The following CYTH2 variants were observed in gnomAD, a reference collection of about 807,000 sequenced individuals.
CYTH2 encodes the protein cytohesin-2.
In CYTH2, 24 loss-of-function variants were observed where a neutral mutation model predicts 55.4. The observed-to-expected ratio is 0.43, with a 90% CI of 0.31 to 0.61. The LOEUF is 0.61. CYTH2 is among the 20% of genes least tolerant of loss of function. The pLI is 0.08. For missense variants in CYTH2, 378 were observed against 533.5 expected, an observed-to-expected ratio of 0.71 and a Z score of 2.87; for synonymous variants, 221 against 209.6, an observed-to-expected ratio of 1.05 and a Z score of -0.47.
rs367740778 is a variant in CYTH2 at position 48,475,243 on chromosome 19, A to G, written c.808+294A>G. Reference sequence around the variant, plus strand: ...GAGGAGGCAGTGAGAGGCAGCTGACATTGTCCTTTCGTGGGAGAAGAGTTC... The same window carrying G: ...GAGGAGGCAGTGAGAGGCAGCTGACGTTGTCCTTTCGTGGGAGAAGAGTTC... On this transcript the variant is annotated intron_variant, in intron 8 of 11. Transcript: ENST00000452733. 4.2e-5 allele frequency: 16 copies of G among 379,784 alleles called. 1 individual carries two copies. In the Admixed American group the frequency reaches 4.5e-4, roughly 11 times the overall value. 23.5% of individuals were successfully genotyped at this position (379,784 alleles called of 1,614,324 possible).
At chr19:48,469,630 C>T (rs1181874816) in intron 1 of CYTH2, 104 bp downstream of exon 1, 3 of 1,339,714 alleles carry the variant, frequency 2.2e-6, no homozygotes, top group African/African-American at 1.5e-5. Flanking sequence ...CAGAAGCGTT[C>T]GGCTCAGTCG....
At chr19:48,472,464 C>T (rs773686916) in intron 4 of CYTH2, 21 bp downstream of exon 4, 1 of 1,604,766 alleles carries the variant, frequency 6.2e-7, no homozygotes, top group African/African-American at 1.3e-5. Flanking sequence ...CACTCAGCTC[C>T]TGTGGGGCCC....
chr19:48,472,479 C>T (rs1971821773), intron 4 of CYTH2, 36 bp downstream of exon 4: 11 of 1,537,504 alleles, frequency 7.2e-6, no homozygotes, highest in Non-Finnish European at 9.8e-6. Context: ...GGGCCCCTCC[C>T]TCCCACCCCC....
Position 48,480,640 on chromosome 19 carries a change from C to G in CYTH2, c.*1430C>G, listed in dbSNP as rs576842719. ...TTGTCTTCTTTTTCTTAGTCAGATC[C>G]CGTACTTTTGTGGAGGGTAGAGGAG... On this transcript the variant is annotated 3_prime_UTR_variant, in exon 12 of 12. Transcript: ENST00000452733. 6.6e-6 allele frequency: 1 copy of G among 152,296 alleles called. No homozygotes were observed. Among genetic ancestry groups the G allele is most frequent in the South Asian group, 2.1e-4 (1 of 4,828 alleles). 9.4% of individuals were successfully genotyped at this position (152,296 alleles called of 1,614,324 possible). A position where few individuals can be genotyped will look rare whatever the true frequency, so the allele number is the denominator to read the frequency against.
rs1424418014 is a variant in CYTH2 at position 48,473,837 on chromosome 19, CAG to C, written c.435-67_435-66del. On this transcript the variant is annotated intron_variant, in intron 5 of 11. Coordinates refer to ENST00000452733, the MANE Select transcript of CYTH2 (RefSeq NM_004228.7). ...ATTCCTCGTGGACCAGTTCCTAACA[CAG>C]GGACTGAGAGTGGGGACAGGCTCCC... 3.1e-6 allele frequency: 4 copies of C among 1,275,222 alleles called. No individual in the cohort carries two copies. The Admixed American group carries it at 6.9e-5, about 22-fold the overall frequency. 79.0% of individuals were successfully genotyped at this position (1,275,222 alleles called of 1,614,324 possible).
At chr19:48,471,166 T>TTGTGTGTGTGTGTG (rs372484993) in intron 3 of CYTH2, among the ~76,000 whole-genome samples, 22 of 150,536 alleles carry the variant, frequency 1.5e-4, no homozygotes, top group African/African-American at 4.7e-4. Flanking sequence ...CACCTACTCT[T>TTGTGTGTGTGTGTG]TGTGTGTGTG....
At chr19:48,476,088 C>CT in intron 8 of CYTH2, 1 of 502,250 alleles carries the variant, frequency 2.0e-6, no homozygotes, top group Non-Finnish European at 4.0e-6. Flanking sequence ...GAACTGTGCT[C>CT]TTAAACCAGG....
At chr19:48,472,921 T>TTATA (rs1330929880) in intron 4 of CYTH2, 1 of 318,480 alleles carries the variant, frequency 3.1e-6, no homozygotes, top group African/African-American at 2.1e-5. Flanking sequence ...AATCAGGGAT[T>TTATA]TATAGAGATC....
chr19:48,479,985 T>C lies in CYTH2; in HGVS notation c.*775T>C, dbSNP rs566651465. On this transcript the variant is annotated 3_prime_UTR_variant, in exon 12 of 12. Transcript: ENST00000452733. The stretch of plus-strand genomic sequence containing the variant: ...TCTGTTCTCAAAGGATCAGCCTCCT[T>C]TGGAGGACATTTTGTGTCAAGGATA... 2.0e-5 allele frequency: 3 copies of C among 152,398 alleles called. No individual in the cohort carries two copies. The East Asian group carries it at 5.8e-4, about 29-fold the overall frequency. 9.4% of individuals were successfully genotyped at this position (152,398 alleles called of 1,614,324 possible). A position where few individuals can be genotyped will look rare whatever the true frequency, so the allele number is the denominator to read the frequency against.
chr19:48,479,001 C>T, intron 11 of CYTH2, 122 bp from the exon 12 acceptor site: 1 of 983,972 alleles, frequency 1.0e-6, no homozygotes, highest in Non-Finnish European at 1.6e-6. Context: ...GGCCGGGGGC[C>T]TGGACTCCTG....
chr19:48,474,411 C>A lies in CYTH2; in HGVS notation c.696+81C>A. 1.4e-6 allele frequency: 2 copies of A among 1,438,762 alleles called. No homozygotes were observed. The highest frequency in any genetic ancestry group is 9.3e-7 in the Non-Finnish European group (1 of 1,077,398). 89.1% of individuals were successfully genotyped at this position (1,438,762 alleles called of 1,614,324 possible). On this transcript the variant is annotated intron_variant, in intron 7 of 11. Coordinates refer to ENST00000452733, the MANE Select transcript of CYTH2 (RefSeq NM_004228.7). This position sits in a 1 kb window ranked among gnomAD's most constrained non-coding sequence, Gnocchi z 4.9. ...CCGCCCCACCTGTGGTCTCCTAGTG[C>A]CCAAGCTGTCTGCCCTCACCCCCAA...
intron 3 of CYTH2, among the ~76,000 whole-genome samples, chr19:48,471,398 C>G (rs547640146): frequency 1.3e-5 from 2 of 152,096 alleles, no homozygotes; most frequent in African/African-American, 4.8e-5. Flanking sequence ...GTGATCCGCC[C>G]GCCTCAGCCT....
intron 3 of CYTH2, among the ~76,000 whole-genome samples, chr19:48,471,252 T>C (rs1971786603): frequency 6.6e-6 from 1 of 151,866 alleles, no homozygotes; most frequent in African/African-American, 2.4e-5. Context: ...CTCCGCCTCC[T>C]GCGATTCTCC....
Position 48,480,899 on chromosome 19 carries a change from A to T in CYTH2, c.*1689A>T, listed in dbSNP as rs1439072125. On this transcript the variant is annotated 3_prime_UTR_variant, in exon 12 of 12. Transcript: ENST00000452733. The stretch of plus-strand genomic sequence containing the variant: ...GGCCGGCTCCGTGGCAGGCAGAGGC[A>T]GGAAGAGGCGCGGAGCCCGCTGGTG... 3 of 152,176 alleles carry T rather than the reference A, an allele frequency of 2.0e-5. No individual in the cohort carries two copies. Among genetic ancestry groups the T allele is most frequent in the Admixed American group, 6.5e-5 (1 of 15,286 alleles). 9.4% of individuals were successfully genotyped at this position (152,176 alleles called of 1,614,324 possible).
In CYTH2 at chr19:48,478,370, C is replaced by T. The variant is rs749094176; in HGVS notation, c.957+24C>T. The T allele has an allele frequency of 4.6e-5, 75 of 1,613,728 alleles. No homozygotes were observed. The South Asian group carries it at 7.8e-4, about 17-fold the overall frequency. ...CGGTAAGACCCTCTCTGTACACCTT[C>T]CTGCCAGGGCGGGGCCTCCTCTGCC... is the stretch of plus-strand genomic sequence containing the variant. On this transcript the variant is annotated intron_variant, in intron 10 of 11. Transcript: ENST00000452733.
rs766175406 is a variant in CYTH2, at chr19:48,479,154, A to T, written c.1144A>T (p.Met382Leu). The T allele has an allele frequency of 1.2e-6, 2 of 1,614,048 alleles. No homozygotes were observed. The highest frequency in any genetic ancestry group is 1.7e-6 in the Non-Finnish European group (2 of 1,179,980). ...TGTGAGTGTGGACCCCTTCTATGAG[A>T]TGCTGGCAGCGAGAAAGAAGCGGAT... Reference protein sequence around the residue: ...AAVSVDPFYEMLAARKKRISV... With the variant: ...AAVSVDPFYELLAARKKRISV... The change falls in exon 12 of 12, where the codon ATG (methionine) becomes TTG (leucine). Residue 382 changes from methionine to leucine, a missense_variant. Transcript: ENST00000452733.
rs373498480 is a variant in CYTH2 at position 48,469,925 on chromosome 19, CTG to C, written c.19+401_19+402del. 6.1e-4 allele frequency: 342 copies of C among 563,520 alleles called. 3 individuals are homozygous for C. The East Asian group carries it at 0.012, about 20-fold the overall frequency. The allele number at this position is 563,520 out of a possible 1,614,324, so 34.9% of individuals were successfully genotyped here. On this transcript the variant is annotated intron_variant, in intron 1 of 11. Coordinates refer to ENST00000452733, the MANE Select transcript of CYTH2 (RefSeq NM_004228.7). Reference sequence around the variant, plus strand: ...GCCCCACCTTCCCAACTCTCCTGAGCTGTCATCAGTTCCCCCGGCTGTAGTGA... The same window carrying C: ...GCCCCACCTTCCCAACTCTCCTGAGCTCATCAGTTCCCCCGGCTGTAGTGA...
chr19:48,470,218 C>A, intron 1 of CYTH2, 135 bp from the exon 2 acceptor site: 1 of 1,304,184 alleles, frequency 7.7e-7, no homozygotes, highest in Non-Finnish European at 1.1e-6. Context: ...GGAATCCAGG[C>A]CCCCAGCCCA....
intron 8 of CYTH2, chr19:48,477,776 T>G: frequency 2.2e-6 from 1 of 451,902 alleles, no homozygotes; most frequent in East Asian, 3.4e-5. Flanking sequence ...GGGGCTGCCC[T>G]GGCGCCCTGG....
Sources: allele counts gnomAD v4.1 joint callset (sites outside exome capture counted in the v4.1 genomes callset), GRCh38; gene constraint gnomAD v4.1.1; non-coding constraint Gnocchi (gnomAD v3.1); transcripts MANE v1.5; gene names NCBI Gene and HGNC (gene_info 2026-07-23, HGNC 2026-07-21).